Variants in PKD1L3 observed in about 807,000 individuals in gnomAD.
The protein encoded by PKD1L3 is polycystin 1 like 3, transient receptor potential channel interacting.
In PKD1L3, 239 loss-of-function variants were observed where a neutral mutation model predicts 184.1. The observed-to-expected ratio is 1.30, with a 90% CI of 1.17 to 1.45. The LOEUF (loss-of-function observed/expected upper bound fraction) is 1.45. PKD1L3 is among the 40% of genes most tolerant of loss of function. The probability of loss-of-function intolerance (pLI) is 0.00; values close to 1 mark genes in which losing one functional copy is unlikely to be tolerated. For synonymous variants in PKD1L3, 996 were observed against 778.8 expected (o/e 1.28, Z -4.64); for missense variants, 2,660 against 2,067.2 (o/e 1.29, Z -5.56).
chr16:71,984,887 T>TGAC (rs1271019897), intron 5 of PKD1L3, among the ~76,000 whole-genome samples: 8 of 152,078 alleles, frequency 5.3e-5, no homozygotes, highest in Admixed American at 5.2e-4. Flanking sequence ...CAAGAGGTAA[T>TGAC]GACTTAAAAT....
rs979100101 is a variant in PKD1L3 at position 71,944,058 on chromosome 16, T to C, written c.3831A>G (p.Lys1277=). ...KHPERTLKKK[K]LFKLTGDILV... is the part of the protein sequence containing the mutation. ...AAATATCTCCAGTCAGCTTGAAGAG[T>C]TTCTTCTTTTTCAAGGTTCTTTCTG... Residue 1277 remains lysine, a synonymous_variant, in exon 23 of 30, where the codon AAA becomes AAG. Coordinates refer to ENST00000620267, the MANE Select transcript of PKD1L3 (RefSeq NM_181536.2). The C allele has an allele frequency of 6.4e-7, 1 of 1,552,006 alleles. No individual in the cohort carries two copies. The highest frequency in any genetic ancestry group is 2.0e-5 in the Admixed American group (1 of 50,914).
At chr16:71,981,239 A>T (rs1451337766) in intron 7 of PKD1L3, among the ~76,000 whole-genome samples, 1 of 152,210 alleles carries the variant, frequency 6.6e-6, no homozygotes, top group African/African-American at 2.4e-5. Flanking sequence ...TCTTGGGTAG[A>T]CACTAGGAGT....
chr16:71,995,977 TG>T (rs1213342060), intron 2 of PKD1L3, among the ~76,000 whole-genome samples: 1 of 152,206 alleles, frequency 6.6e-6, no homozygotes, highest in African/African-American at 2.4e-5. Context: ...ATTTTTAATT[TG>T]CATTACGCTA....
chr16:71,965,881 T>C (rs1042102103), intron 15 of PKD1L3, among the ~76,000 whole-genome samples: 2 of 152,114 alleles, frequency 1.3e-5, no homozygotes, highest in African/African-American at 4.8e-5. Flanking sequence ...ATTTAAGCCA[T>C]TCTGATGGAT....
Position 71,931,463 on chromosome 16 carries a change from CTTTTTT to C in PKD1L3, c.4927-1286_4927-1281del, listed in dbSNP as rs11405919. ...GGTTAAGAAAGTGTCTTCTCCCCCA[CTTTTTT>C]TTTTTTTTTTTTTTTTTGAAATGGT... On this transcript the variant is annotated intron_variant, in intron 28 of 29. Transcript: ENST00000620267. Among the ~76,000 whole-genome samples, 87 of 115,892 alleles carry C rather than the reference CTTTTTT, an allele frequency of 7.5e-4. 2 individuals are homozygous for C. The highest frequency in any genetic ancestry group is 4.5e-3 in the Admixed American group (49 of 10,946). The allele number at this position is 115,892 out of a possible 152,430, so 76.0% of individuals were successfully genotyped here.
chr16:71,984,231 G>T (rs1441520492), intron 5 of PKD1L3, 64 bp from the exon 6 acceptor site: 1 of 1,483,274 alleles, frequency 6.7e-7, no homozygotes, highest in Non-Finnish European at 9.1e-7. Context: ...AGTAGTCAGG[G>T]AGATTATTTT....
intron 23 of PKD1L3, 118 bp from the exon 24 acceptor site, chr16:71,943,142 G>C (rs1008668527): frequency 1.9e-5 from 14 of 736,634 alleles, no homozygotes; most frequent in Non-Finnish European, 2.9e-5. Context: ...TCAAAAACTG[G>C]CTGTTTCATA....
chr16:71,989,363 G>C (rs565105290), intron 4 of PKD1L3, among the ~76,000 whole-genome samples: 1 of 152,216 alleles, frequency 6.6e-6, no homozygotes, highest in Non-Finnish European at 1.5e-5. Context: ...ATGTTGGCCA[G>C]GCTGGTCTCG....
At chr16:71,970,916 CA>C (rs2039686419) in intron 12 of PKD1L3, among the ~76,000 whole-genome samples, 1 of 152,138 alleles carries the variant, frequency 6.6e-6, no homozygotes, top group South Asian at 2.1e-4. Flanking sequence ...GAGATATGTA[CA>C]GTATAATGCC....
chr16:71,987,645 G>A (rs1247827454), intron 4 of PKD1L3, among the ~76,000 whole-genome samples: 1 of 152,082 alleles, frequency 6.6e-6, no homozygotes, highest in Non-Finnish European at 1.5e-5. Context: ...AAAGTGCTGG[G>A]ATTACAGGTG....
At chr16:71,981,942 C>G in intron 7 of PKD1L3, 117 bp downstream of exon 7, 1 of 1,169,622 alleles carries the variant, frequency 8.5e-7, no homozygotes, top group Non-Finnish European at 1.2e-6. Context: ...GTTTCTTCTG[C>G]AGCAGAAACT....
At chr16:71,986,990 T>G (rs1029066426) in intron 4 of PKD1L3, among the ~76,000 whole-genome samples, 4 of 134,650 alleles carry the variant, frequency 3.0e-5, no homozygotes, top group Admixed American at 2.5e-4. Context: ...AGTGGCACGA[T>G]CTCGGCTCAC....
At position 71,929,645 on chromosome 16, in the gene PKD1L3, T is replaced by G. The variant is rs1289058252; in HGVS notation, c.5092A>C (p.Lys1698Gln). The change falls in exon 30 of 30, where the codon AAG becomes CAG. Residue 1698 changes from lysine to glutamine, a missense_variant. Coordinates refer to ENST00000620267, the MANE Select transcript of PKD1L3 (RefSeq NM_181536.2). ...EAALIDTLLQ[K>Q]LSNLLGISWP... ...CTGATTCCTAACAAATTTGAGAGCTTCTGTAGCAGTGTATCTATTAGTGCA... is the reference window on the plus strand; with the variant it reads ...CTGATTCCTAACAAATTTGAGAGCTGCTGTAGCAGTGTATCTATTAGTGCA... The G allele has an allele frequency of 6.4e-7, 1 of 1,551,850 alleles. No individual in the cohort carries two copies. Among genetic ancestry groups the G allele is most frequent in the African/African-American group, 1.4e-5 (1 of 73,170 alleles).
At chr16:71,952,593 G>GGGAGGCCAAGGTGGGAGGATGGCA (rs1195754717) in intron 18 of PKD1L3, among the ~76,000 whole-genome samples, 10 of 21,372 alleles carry the variant, frequency 4.7e-4, no homozygotes, top group African/African-American at 7.0e-4. Context: ...CCAGCACTTT[G>GGGAGGCCAAGGTGGGAGGATGGCA]GGAGGCCAAG....
chr16:71,937,282 A>T lies in PKD1L3; in HGVS notation c.4452+10T>A. On this transcript the variant is annotated intron_variant, in intron 25 of 29. Transcript: ENST00000620267. ...GTTGCCCAGGCTGACATCTAACATT[A>T]TTGACTCACCTGTATGAAGGCATAG... 1.9e-6 allele frequency: 3 copies of T among 1,548,702 alleles called. No homozygotes were observed. Among genetic ancestry groups the T allele is most frequent in the Non-Finnish European group, 2.6e-6 (3 of 1,146,032 alleles).
chr16:71,998,806 G>C (rs931044718), intron 1 of PKD1L3, among the ~76,000 whole-genome samples: 1 of 152,060 alleles, frequency 6.6e-6, no homozygotes, highest in Non-Finnish European at 1.5e-5. Flanking sequence ...ACTTCCAATA[G>C]ATAAAAATGT....
intron 24 of PKD1L3, 78 bp from the exon 25 acceptor site, chr16:71,937,497 A>T: frequency 6.9e-7 from 1 of 1,451,896 alleles, no homozygotes; most frequent in South Asian, 1.4e-5. Flanking sequence ...TCTTTGAATA[A>T]CCCCAACTCT....
At chr16:71,962,110 G>C (rs1422048722) in intron 16 of PKD1L3, among the ~76,000 whole-genome samples, 1 of 152,108 alleles carries the variant, frequency 6.6e-6, no homozygotes, top group African/African-American at 2.4e-5. Flanking sequence ...CTTTGGTAGA[G>C]ATGGGGTTTT....
Position 71,970,071 on chromosome 16 carries a change from C to A in PKD1L3, c.1988G>T (p.Cys663Phe). ...AAAGAAGGTCAGGTGGTTACAGAGA[C>A]ACTGTGTCCTCAGAATTGTGCTCTG... Reference protein sequence around the residue: ...GPQSTILRTQCLCNHLTFFAS... With the variant: ...GPQSTILRTQFLCNHLTFFAS... Residue 663 changes from cysteine (C) to phenylalanine (F), a missense_variant, in exon 13 of 30, where the codon TGT becomes TTT. Physicochemically the swap from Cys to Phe is radical, Grantham distance 205. Transcript: ENST00000620267. The A allele has an allele frequency of 6.4e-7, 1 of 1,551,686 alleles. No homozygotes were observed. Among genetic ancestry groups the A allele is most frequent in the Non-Finnish European group, 8.7e-7 (1 of 1,146,994 alleles).
Sources: gnomAD v4.1 joint callset for allele counts (sites outside exome capture counted in the v4.1 genomes callset) on GRCh38, gnomAD v4.1.1 for gene constraint, MANE v1.5 for transcripts, NCBI Gene and HGNC (gene_info 2026-07-23, HGNC 2026-07-21) for gene names.